The following OBI1 variants were observed in gnomAD, a reference collection of about 807,000 sequenced individuals.
OBI1 encodes the protein ORC ubiquitin ligase 1, also known as ring finger protein 219.
Under a neutral mutation model 62.4 loss-of-function variants are expected in OBI1, and 59 were observed. The ratio of observed to expected loss-of-function variants is 0.95; its 90% CI spans 0.77 to 1.17. OBI1 has a LOEUF of 1.17. OBI1 is among the 50% of genes most tolerant of loss of function. OBI1 has a pLI of 0.00. For missense variants in OBI1, 875 were observed against 830.9 expected (o/e 1.05, Z -0.65); for synonymous variants, 302 against 292.8 (o/e 1.03, Z -0.32).
chr13:78,630,220 C>T (rs1283601070), intron 5 of OBI1, among the ~76,000 whole-genome samples: 1 of 151,998 alleles, frequency 6.6e-6, no homozygotes, highest in African/African-American at 2.4e-5. Flanking sequence ...CATGTCATGC[C>T]TTCATTAACT....
chr13:78,616,336 G>C lies in OBI1; in HGVS notation c.1425C>G (p.Ala475=). 6 of 1,613,998 alleles carry C rather than the reference G, an allele frequency of 3.7e-6. No homozygotes were observed. Among genetic ancestry groups the C allele is most frequent in the Non-Finnish European group, 5.1e-6 (6 of 1,179,934 alleles). The stretch of plus-strand genomic sequence containing the variant: ...CTGAACTTTCAAAATCTAAGTTTTG[G>C]GCATAGCTTGTGGAACAACAGTCCC... ...GFWDCCSTSY[A]QNLDFESSEG... Residue 475 remains alanine, a synonymous_variant, in exon 6 of 6, where the codon GCC becomes GCG. Transcript: ENST00000282003.
chr13:78,637,552 G>C (rs1027620024), intron 4 of OBI1, among the ~76,000 whole-genome samples: 3 of 152,112 alleles, frequency 2.0e-5, no homozygotes, highest in African/African-American at 2.4e-5. Flanking sequence ...AACTACAAAG[G>C]AGATCATATA....
intron 5 of OBI1, among the ~76,000 whole-genome samples, chr13:78,630,913 TATTTC>T (rs1163156789): frequency 1.3e-4 from 20 of 152,214 alleles, no homozygotes; most frequent in African/African-American, 2.9e-4. Context: ...TCCTTGCTAT[TATTTC>T]ATTTAATACT....
chr13:78,638,832 C>T lies in OBI1; in HGVS notation c.540G>A (p.Lys180=), dbSNP rs773651713. ...IYEKVKDDVD[K]LKEANKKLKL... ...AAAAACCACAACTTACCTCCTTTAGCTTATCCACATCATCTTTCACTTTTT... is the reference window on the plus strand; with the variant it reads ...AAAAACCACAACTTACCTCCTTTAGTTTATCCACATCATCTTTCACTTTTT... The change falls in exon 4 of 6, where the codon AAG becomes AAA. Residue 180 remains lysine (K), a synonymous_variant. Transcript: ENST00000282003. The T allele has an allele frequency of 3.7e-6, 6 of 1,612,466 alleles. No homozygotes were observed. The South Asian group carries it at 6.6e-5, about 18-fold the overall frequency.
At chr13:78,657,634 AG>A (rs897566449) in intron 1 of OBI1, among the ~76,000 whole-genome samples, 1 of 152,258 alleles carries the variant, frequency 6.6e-6, no homozygotes, top group Non-Finnish European at 1.5e-5. Flanking sequence ...TAAATCAAAC[AG>A]AACACTGTCA....
At chr13:78,655,067 T>C (rs1451884731) in intron 1 of OBI1, among the ~76,000 whole-genome samples, 1 of 152,238 alleles carries the variant, frequency 6.6e-6, no homozygotes, top group Non-Finnish European at 1.5e-5. Flanking sequence ...TGCATTTCTC[T>C]TGAGAATCTC....
intron 5 of OBI1, among the ~76,000 whole-genome samples, chr13:78,617,642 T>C (rs1341975504): frequency 1.3e-5 from 2 of 152,230 alleles, no homozygotes; most frequent in African/African-American, 4.8e-5. Context: ...GGGGTGGTTT[T>C]AAATACTTAT....
chr13:78,645,253 C>T (rs1274138805), intron 1 of OBI1, among the ~76,000 whole-genome samples: 1 of 151,832 alleles, frequency 6.6e-6, no homozygotes, highest in East Asian at 1.9e-4. Flanking sequence ...GTACCTAAAC[C>T]ACAGAATTCA....
At chr13:78,652,477 A>G (rs1041521645) in intron 1 of OBI1, among the ~76,000 whole-genome samples, 3 of 152,148 alleles carry the variant, frequency 2.0e-5, no homozygotes, top group Non-Finnish European at 4.4e-5. Context: ...CGTGGCAATA[A>G]AACAGTACTC....
chr13:78,644,591 T>A (rs1299647241), intron 2 of OBI1, among the ~76,000 whole-genome samples: 2 of 152,178 alleles, frequency 1.3e-5, no homozygotes, highest in Admixed American at 1.3e-4. Flanking sequence ...TGGGCTTTTT[T>A]GGGGCCCTTA....
chr13:78,615,399 A>C lies in OBI1; in HGVS notation c.*181T>G. Reference sequence around the variant, plus strand: ...CTCCCAAATAAAAATGAAAAGAACAAAGTCTTTTCAAAATGAACAATAAGT... The same window carrying C: ...CTCCCAAATAAAAATGAAAAGAACACAGTCTTTTCAAAATGAACAATAAGT... On this transcript the variant is annotated 3_prime_UTR_variant, in exon 6 of 6. Coordinates refer to ENST00000282003, the MANE Select transcript of OBI1 (RefSeq NM_024546.4). 2.2e-6 allele frequency: 1 copy of C among 444,990 alleles called. No individual in the cohort carries two copies. Among genetic ancestry groups the C allele is most frequent in the Non-Finnish European group, 3.9e-6 (1 of 254,790 alleles). The allele number at this position is 444,990 out of a possible 1,614,324, so 27.6% of individuals were successfully genotyped here. A position where few individuals can be genotyped will look rare whatever the true frequency, so the allele number is the denominator to read the frequency against.
intron 3 of OBI1, among the ~76,000 whole-genome samples, chr13:78,640,258 C>T (rs965079097): frequency 6.6e-6 from 1 of 151,708 alleles, no homozygotes; most frequent in African/African-American, 2.4e-5. Flanking sequence ...GTTCTAGGAC[C>T]CTTAGGGATA....
intron 1 of OBI1, among the ~76,000 whole-genome samples, chr13:78,652,136 A>T (rs1009965031): frequency 1.3e-5 from 2 of 152,172 alleles, no homozygotes; most frequent in African/African-American, 2.4e-5. Context: ...AAGATTTCGG[A>T]AACAGGTGAC....
At chr13:78,643,834 T>G (rs1876297125) in intron 2 of OBI1, among the ~76,000 whole-genome samples, 1 of 152,220 alleles carries the variant, frequency 6.6e-6, no homozygotes, top group African/African-American at 2.4e-5. Flanking sequence ...AACTTGGGAC[T>G]ATTACAATGA....
chr13:78,622,886 C>A (rs1875554810), intron 5 of OBI1, among the ~76,000 whole-genome samples: 1 of 152,120 alleles, frequency 6.6e-6, no homozygotes, highest in African/African-American at 2.4e-5. Context: ...AGGACCAGAG[C>A]TGTAGGAAAC....
At chr13:78,642,478 G>A (rs545144086) in intron 2 of OBI1, among the ~76,000 whole-genome samples, 7 of 152,114 alleles carry the variant, frequency 4.6e-5, no homozygotes, top group Non-Finnish European at 7.4e-5. Flanking sequence ...CAAACTCAGT[G>A]GAGGAAAGGG....
intron 5 of OBI1, among the ~76,000 whole-genome samples, chr13:78,618,121 TTCTA>T (rs1329646049): frequency 8.5e-5 from 13 of 152,214 alleles, no homozygotes; most frequent in Non-Finnish European, 1.6e-4. Context: ...CAAAAATAAA[TTCTA>T]TCTTTCAGGA....
At chr13:78,618,435 C>T (rs1980793) in intron 5 of OBI1, among the ~76,000 whole-genome samples, 1,583 of 151,648 alleles carry the variant, frequency 0.01, 23 homozygotes, top group African/African-American at 0.036. Flanking sequence ...ATAGCAATTG[C>T]CCCTCTTAGA....
chr13:78,640,494 T>C (rs1876180050), intron 3 of OBI1, among the ~76,000 whole-genome samples: 1 of 152,156 alleles, frequency 6.6e-6, no homozygotes, highest in South Asian at 2.1e-4. Context: ...GATGAATCCT[T>C]GGATATGGTG....
Sources: gnomAD v4.1 joint callset for allele counts (sites outside exome capture counted in the v4.1 genomes callset) on GRCh38, gnomAD v4.1.1 for gene constraint, MANE v1.5 for transcripts, NCBI Gene and HGNC (gene_info 2026-07-23, HGNC 2026-07-21) for gene names.